SBF2: variants seen among roughly 807,000 people sequenced by gnomAD.
SBF2 encodes the protein SET binding factor 2, also known as myotubularin-related protein 13.
SBF2 carries 112 observed loss-of-function variants against 225.2 expected under a neutral mutation model. That is an observed-to-expected ratio of 0.50 (90% confidence interval 0.43 to 0.58). The LOEUF (loss-of-function observed/expected upper bound fraction) is 0.58, where lower values mean the gene tolerates loss of function less well. Among genes scored for constraint, SBF2 ranks in the 20% least tolerant of loss-of-function variants. The probability of loss-of-function intolerance (pLI) is 0.00; values close to 1 mark genes in which losing one functional copy is unlikely to be tolerated. For missense variants in SBF2, 1,996 were observed against 2,206.2 expected, an observed-to-expected ratio of 0.90 and a Z score of 1.91; for synonymous variants, 763 against 773.3, an observed-to-expected ratio of 0.99 and a Z score of 0.22.
intron 16 of SBF2, among the ~76,000 whole-genome samples, chr11:9,922,561 G>A (rs67456791): frequency 0.16 from 24,071 of 151,988 alleles, 2,061 homozygotes; most frequent in East Asian, 0.39. Context: ...CATTATTTAT[G>A]TGAATTCAAA....
intron 16 of SBF2, among the ~76,000 whole-genome samples, chr11:9,939,290 G>T (rs943356034): frequency 1.3e-5 from 2 of 152,044 alleles, no homozygotes; most frequent in Admixed American, 1.3e-4. Flanking sequence ...TAGAGACGGG[G>T]TTTCACCACC....
intron 13 of SBF2, among the ~76,000 whole-genome samples, chr11:9,982,363 T>C (rs1410636976): frequency 3.9e-5 from 6 of 152,088 alleles, no homozygotes; most frequent in Non-Finnish European, 8.8e-5. Flanking sequence ...ACTGAAAAAA[T>C]TGTGACTAAC....
At chr11:9,939,171 C>A (rs12289953) in intron 16 of SBF2, among the ~76,000 whole-genome samples, 24,414 of 152,098 alleles carry the variant, frequency 0.16, 2,076 homozygotes, top group East Asian at 0.25. Context: ...TCTCGGCTCA[C>A]TGCAACCTCT....
chr11:10,058,710 A>G (rs2134745352), intron 2 of SBF2, among the ~76,000 whole-genome samples: 1 of 152,246 alleles, frequency 6.6e-6, no homozygotes, highest in East Asian at 1.9e-4. Context: ...AAGACACATA[A>G]TCATCAGATT....
chr11:9,977,696 A>G lies in SBF2; in HGVS notation c.1396-9151T>C, dbSNP rs116578544. On this transcript the variant is annotated intron_variant, in intron 13 of 39. Transcript: ENST00000256190. ...AATAATCTTTGTTACCAATGCTTAC[A>G]CTGTTTGTCTCTAGTGGGTTTAGTC... 9.8e-3 allele frequency among the ~76,000 whole-genome samples: 1,497 copies of G among 152,184 alleles called. 26 individuals are homozygous for G. The highest frequency in any genetic ancestry group is 0.034 in the African/African-American group (1,400 of 41,526).
chr11:10,056,441 T>C (rs1273002607), intron 2 of SBF2, among the ~76,000 whole-genome samples: 1 of 152,160 alleles, frequency 6.6e-6, no homozygotes, highest in Non-Finnish European at 1.5e-5. Flanking sequence ...TAATTCTCAT[T>C]GTAGAGATCT....
chr11:9,795,747 T>A lies in SBF2; in HGVS notation c.4570+84A>T, dbSNP rs954414796. 4 of 1,498,564 alleles carry A rather than the reference T, an allele frequency of 2.7e-6. No individual in the cohort carries two copies. In the African/African-American group the frequency reaches 5.5e-5, roughly 21 times the overall value. 92.8% of individuals were successfully genotyped at this position (1,498,564 alleles called of 1,614,324 possible). On this transcript the variant is annotated intron_variant, in intron 33 of 39. Coordinates refer to ENST00000256190, the MANE Select transcript of SBF2 (RefSeq NM_030962.4). ...AAACCTTAACTCAGCTTGTCAGTCT[T>A]GGGGATAGTTACATTATTAGAATTT... is the stretch of plus-strand genomic sequence containing the variant.
intron 1 of SBF2, among the ~76,000 whole-genome samples, chr11:10,223,429 A>AC (rs1958423439): frequency 1.6e-5 from 2 of 124,016 alleles, no homozygotes; most frequent in Non-Finnish European, 3.6e-5. Context: ...ATATATATAT[A>AC]TATATATATA....
chr11:9,896,129 T>A, intron 16 of SBF2, 118 bp from the exon 17 acceptor site: 1 of 834,206 alleles, frequency 1.2e-6, no homozygotes, highest in Non-Finnish European at 2.0e-6. Flanking sequence ...CCTTTTTATT[T>A]TGCAGAGGAC....
At chr11:10,170,094 T>G (rs1956127016) in intron 2 of SBF2, among the ~76,000 whole-genome samples, 1 of 151,978 alleles carries the variant, frequency 6.6e-6, no homozygotes, top group South Asian at 2.1e-4. Flanking sequence ...TCTCTTCACT[T>G]TGTTGATTGT....
In SBF2 at chr11:10,035,925, G is replaced by T. The variant is rs945126373; in HGVS notation, c.280-4755C>A. On this transcript the variant is annotated intron_variant, in intron 3 of 39. Coordinates refer to ENST00000256190, the MANE Select transcript of SBF2 (RefSeq NM_030962.4). ...CACATTACTGGGTGTATACCCAAAG[G>T]ATTATAAATCATTCTACTATAAAGA... Among the ~76,000 whole-genome samples, 25 of 152,214 alleles carry T rather than the reference G, an allele frequency of 1.6e-4. 1 individual carries two copies. Among genetic ancestry groups the T allele is most frequent in the African/African-American group, 5.3e-4 (22 of 41,540 alleles).
At chr11:10,137,604 T>G (rs1416198297) in intron 2 of SBF2, among the ~76,000 whole-genome samples, 1 of 152,252 alleles carries the variant, frequency 6.6e-6, no homozygotes, top group Non-Finnish European at 1.5e-5. Flanking sequence ...TTAAAAATTA[T>G]AAATGGGTGT....
chr11:10,072,734 C>CTTT (rs912346358), intron 2 of SBF2, among the ~76,000 whole-genome samples: 2 of 120,332 alleles, frequency 1.7e-5, no homozygotes, highest in African/African-American at 3.1e-5. Flanking sequence ...TTTTTTTTTT[C>CTTT]TTTTTTTTTT....
At chr11:10,115,505 A>G (rs1460293351) in intron 2 of SBF2, among the ~76,000 whole-genome samples, 3 of 152,196 alleles carry the variant, frequency 2.0e-5, no homozygotes, top group Non-Finnish European at 4.4e-5. Flanking sequence ...ATGTGCACAC[A>G]CAGAAATATA....
intron 2 of SBF2, among the ~76,000 whole-genome samples, chr11:10,049,807 C>T (rs1821080443): frequency 6.6e-6 from 1 of 152,030 alleles, no homozygotes; most frequent in Non-Finnish European, 1.5e-5. Flanking sequence ...ACGGTATAAT[C>T]CTTGGTAGAA....
chr11:9,936,769 A>G (rs1864929699), intron 16 of SBF2, among the ~76,000 whole-genome samples: 1 of 152,152 alleles, frequency 6.6e-6, no homozygotes, highest in Admixed American at 6.5e-5. Context: ...ATTTGGACAC[A>G]GGGCAGGGAA....
At chr11:9,782,497 T>C (rs1471112142) in intron 38 of SBF2, among the ~76,000 whole-genome samples, 1 of 152,088 alleles carries the variant, frequency 6.6e-6, no homozygotes, top group Non-Finnish European at 1.5e-5. Flanking sequence ...ATACTGCCAG[T>C]GTGAATATAA....
chr11:9,823,925 A>C (rs1000974816), intron 28 of SBF2, among the ~76,000 whole-genome samples: 5 of 152,216 alleles, frequency 3.3e-5, no homozygotes, highest in Non-Finnish European at 7.3e-5. Flanking sequence ...TAAAAGAATG[A>C]GATTTGCGTT....
At chr11:9,797,477 G>T (rs989547190) in intron 32 of SBF2, among the ~76,000 whole-genome samples, 5 of 152,118 alleles carry the variant, frequency 3.3e-5, no homozygotes, top group Non-Finnish European at 7.4e-5. Flanking sequence ...CTTGATGTGA[G>T]CCAATGCCTT....
Sources: allele counts gnomAD v4.1 joint callset (sites outside exome capture counted in the v4.1 genomes callset), GRCh38; gene constraint gnomAD v4.1.1; transcripts MANE v1.5; gene names NCBI Gene and HGNC (gene_info 2026-07-23, HGNC 2026-07-21).